The following KCNK16 variants were observed in gnomAD, a reference collection of about 807,000 sequenced individuals.
KCNK16 encodes potassium two pore domain channel subfamily K member 16, also known as potassium channel subfamily K member 16.
Under a neutral mutation model 23.0 loss-of-function variants are expected in KCNK16, and 23 were observed. The ratio of observed to expected loss-of-function variants is 1.00; its 90% CI spans 0.72 to 1.41. The LOEUF is 1.41. KCNK16 is among the 40% of genes most tolerant of loss of function. The pLI is 0.00. For missense variants in KCNK16, 327 were observed against 365.8 expected, an observed-to-expected ratio of 0.89 and a Z score of 0.87; for synonymous variants, 145 against 153.5, an observed-to-expected ratio of 0.94 and a Z score of 0.41.
At chr6:39,321,636 A>G (rs967511684) in intron 1 of KCNK16, among the ~76,000 whole-genome samples, 5 of 151,894 alleles carry the variant, frequency 3.3e-5, no homozygotes, top group Admixed American at 6.6e-5. Context: ...AGATGCATTC[A>G]CCTCCCTCCA....
chr6:39,320,312 C>A (rs147919411), intron 1 of KCNK16, among the ~76,000 whole-genome samples: 1 of 152,204 alleles, frequency 6.6e-6, no homozygotes, highest in African/African-American at 2.4e-5. Context: ...CCCAACATTC[C>A]CGAACATGCT....
At chr6:39,317,699 C>A (rs781495002) in intron 3 of KCNK16, 87 bp downstream of exon 3, 15 of 1,409,018 alleles carry the variant, frequency 1.1e-5, no homozygotes, top group Non-Finnish European at 1.4e-5. Context: ...CCATGCATGC[C>A]AAACTCCATC....
At position 39,317,938 on chromosome 6, in the gene KCNK16, C is replaced by T. The variant is rs780647196; in HGVS notation, c.343G>A (p.Ala115Thr). Residue 115 changes from alanine to threonine, a missense_variant, in exon 3 of 5, where the codon GCA becomes ACA. Physicochemically the swap from Ala to Thr is moderately conservative, Grantham distance 58. Transcript: ENST00000437525. Reference protein sequence around the residue: ...VVTTIGYGNLAPSTEAGQVFC... With the variant: ...VVTTIGYGNLTPSTEAGQVFC... ...ACCTGACCTGCCTCTGTGCTGGGTG[C>T]CAGGTTCCCATATCCTGCAAGGGAA... 6.2e-7 allele frequency: 1 copy of T among 1,606,704 alleles called. No individual in the cohort carries two copies. The highest frequency in any genetic ancestry group is 1.3e-5 in the African/African-American group (1 of 74,778).
intron 2 of KCNK16, 58 bp from the exon 3 acceptor site, chr6:39,318,010 C>T (rs1198119204): frequency 1.3e-6 from 2 of 1,483,466 alleles, no homozygotes; most frequent in South Asian, 2.8e-5. Flanking sequence ...CTCTGCTCCT[C>T]TTCCCCAGAC....
At chr6:39,320,475 G>A (rs1762474620) in intron 1 of KCNK16, among the ~76,000 whole-genome samples, 4 of 152,170 alleles carry the variant, frequency 2.6e-5, no homozygotes, top group Admixed American at 1.3e-4. Flanking sequence ...TTGTGAACCT[G>A]GGCAAGCAGT....
At position 39,316,343 on chromosome 6, in the gene KCNK16, C is replaced by G. The variant is rs749071177; in HGVS notation, c.761G>C (p.Gly254Ala). The part of the protein sequence containing the change: ...LAWLALILPL[G>A]PLLLHRCCQL... ...GCAGCATCTGTGCAGAAGCAGGGGG[C>G]CCAGTGGGAGGATCAGCGCCAGCCA... The change falls in exon 5 of 5, where the codon GGC becomes GCC. Residue 254 changes from glycine (G) to alanine (A), a missense_variant. Coordinates refer to ENST00000437525, the MANE Select transcript of KCNK16 (RefSeq NM_001135106.2). 6.2e-7 allele frequency: 1 copy of G among 1,611,922 alleles called. No individual in the cohort carries two copies. Among genetic ancestry groups the G allele is most frequent in the Admixed American group, 1.7e-5 (1 of 59,744 alleles).
chr6:39,315,450 G>A, downstream of KCNK16: 1 of 1,539,468 alleles, frequency 6.5e-7, no homozygotes, highest in Non-Finnish European at 8.8e-7. Flanking sequence ...GTCAGGGGAG[G>A]CCATGTTCAG....
chr6:39,320,323 C>T (rs141861492), intron 1 of KCNK16, among the ~76,000 whole-genome samples: 3 of 152,320 alleles, frequency 2.0e-5, no homozygotes, highest in East Asian at 1.9e-4. Flanking sequence ...CGAACATGCT[C>T]GTTCTCTGGA....
At position 39,316,460 on chromosome 6, in the gene KCNK16, G is replaced by A; in HGVS notation, c.662-18C>T. 1 of 1,585,540 alleles carries A rather than the reference G, an allele frequency of 6.3e-7. No homozygotes were observed. The highest frequency in any genetic ancestry group is 1.3e-5 in the African/African-American group (1 of 74,422). On this transcript the variant is annotated intron_variant, in intron 4 of 4. Coordinates refer to ENST00000437525, the MANE Select transcript of KCNK16 (RefSeq NM_001135106.2). Reference sequence around the variant, plus strand: ...GTCTGTGCCTGCCAGGGAAGGGAATGGCATCAATGCCAGGGGTCTCAGGGC... The same window carrying A: ...GTCTGTGCCTGCCAGGGAAGGGAATAGCATCAATGCCAGGGGTCTCAGGGC...
In KCNK16 at chr6:39,319,746, A is replaced by AGTGTGT. The variant is rs146841804; in HGVS notation, c.214-619_214-614dup. 0.14 allele frequency among the ~76,000 whole-genome samples: 20,389 copies of AGTGTGT among 148,248 alleles called. 1,585 individuals are homozygous for AGTGTGT. Among genetic ancestry groups the AGTGTGT allele is most frequent in the East Asian group, 0.3 (1,470 of 4,974 alleles). ...GGCCAAGACAAAGGTGGCACGTGTG[A>AGTGTGT]GTGTGTGTGTGTGTGTGTGTGTGTG... is the stretch of plus-strand genomic sequence containing the variant. On this transcript the variant is annotated intron_variant, in intron 1 of 4. Transcript: ENST00000437525. This position sits in a 1 kb window ranked among gnomAD's most constrained non-coding sequence, Gnocchi z 4.2.
chr6:39,315,343 C>T (rs775274420), downstream of KCNK16: 20 of 1,551,956 alleles, frequency 1.3e-5, 1 homozygote, highest in South Asian at 2.3e-4. Context: ...ATCCTGGGAT[C>T]TGCTGGCTCT....
chr6:39,316,913 G>C lies in KCNK16; in HGVS notation c.530C>G (p.Thr177Ser), dbSNP rs773605907. The change falls in exon 4 of 5, where the codon ACC becomes AGC. Residue 177 changes from threonine to serine, a missense_variant. Thr to Ser is a moderately conservative substitution (Grantham distance 58). Coordinates refer to ENST00000437525, the MANE Select transcript of KCNK16 (RefSeq NM_001135106.2). ...GATGAGAATGACCAGCGTCCCCAGG[G>C]TCAGGAACAGAGCCAGGCCCAGGAC... is the stretch of plus-strand genomic sequence containing the variant. ...LQVLGLALFLTLGTLVILIFP... is the reference protein window; with the variant it reads ...LQVLGLALFLSLGTLVILIFP... 5 of 1,613,376 alleles carry C rather than the reference G, an allele frequency of 3.1e-6. No individual in the cohort carries two copies. Among genetic ancestry groups the C allele is most frequent in the Non-Finnish European group, 4.2e-6 (5 of 1,179,870 alleles).
At chr6:39,318,040 T>C in intron 2 of KCNK16, 88 bp from the exon 3 acceptor site, 1 of 1,329,924 alleles carries the variant, frequency 7.5e-7, no homozygotes, top group Non-Finnish European at 1.0e-6. Context: ...GGTTTGTCTG[T>C]CACCACCTCT....
In KCNK16 at chr6:39,319,079, G is replaced by A. The variant is rs1762424529; in HGVS notation, c.268C>T (p.Pro90Ser). Residue 90 changes from proline (P) to serine (S), a missense_variant, in exon 2 of 5, where the codon CCC becomes TCC. Physicochemically the swap from Pro to Ser is moderately conservative, Grantham distance 74. Transcript: ENST00000437525. The surrounding 1 kb of genome is among the most constrained non-coding windows in gnomAD (Gnocchi z 4.2). Reference protein sequence around the residue: ...GVNPKGNSTNPSNWDFGSSFF... With the variant: ...GVNPKGNSTNSSNWDFGSSFF... ...CTGCTGCCAAAGTCCCAGTTGCTGG[G>A]GTTGGTAGAGTTGCCTTTGGGGTTC... 6.2e-7 allele frequency: 1 copy of A among 1,613,980 alleles called. No individual in the cohort carries two copies. Among genetic ancestry groups the A allele is most frequent in the Admixed American group, 1.7e-5 (1 of 59,998 alleles).
chr6:39,322,518 C>G lies in KCNK16; in HGVS notation c.23G>C (p.Ser8Thr). ...GGGCAGCACCCGGCCACCCCAGCAGCTGCAGAGCCCAGCACTGGGCATGCT... is the reference window on the plus strand; with the variant it reads ...GGGCAGCACCCGGCCACCCCAGCAGGTGCAGAGCCCAGCACTGGGCATGCT... MPSAGLCSCWGGRVLPLL... is the reference protein window; with the variant it reads MPSAGLCTCWGGRVLPLL... The change falls in exon 1 of 5, where the codon AGC becomes ACC. Residue 8 changes from serine (S) to threonine (T), a missense_variant. Physicochemically the swap from Ser to Thr is moderately conservative, Grantham distance 58. Coordinates refer to ENST00000437525, the MANE Select transcript of KCNK16 (RefSeq NM_001135106.2). 1 of 1,606,682 alleles carries G rather than the reference C, an allele frequency of 6.2e-7. No homozygotes were observed. The highest frequency in any genetic ancestry group is 8.5e-7 in the Non-Finnish European group (1 of 1,178,016).
downstream of KCNK16, chr6:39,315,270 C>T: frequency 1.9e-6 from 3 of 1,589,942 alleles, no homozygotes; most frequent in African/African-American, 1.3e-5. Context: ...AGGGGAAAGG[C>T]CAGACCTGGA....
downstream of KCNK16, chr6:39,315,018 T>G: frequency 6.2e-7 from 1 of 1,605,840 alleles, no homozygotes; most frequent in Non-Finnish European, 8.5e-7. Flanking sequence ...TCCCAGTCCT[T>G]TCTTGGATAT....
Position 39,322,622 on chromosome 6 carries a change from G to T in KCNK16, c.-82C>A. The T allele has an allele frequency of 6.7e-7, 1 of 1,486,956 alleles. No homozygotes were observed. Among genetic ancestry groups the T allele is most frequent in the Middle Eastern group, 2.4e-4 (1 of 4,168 alleles). 92.1% of individuals were successfully genotyped at this position (1,486,956 alleles called of 1,614,324 possible). On this transcript the variant is annotated 5_prime_UTR_variant, in exon 1 of 5. Transcript: ENST00000437525. ...ACAGGTGAGGAGTAAGCACCTAGGG[G>T]CCTGTGCCCAGGCTGCCGCCTGCCC...
Position 39,316,772 on chromosome 6 carries a change from T to G in KCNK16, c.661+10A>C. 1 of 1,612,532 alleles carries G rather than the reference T, an allele frequency of 6.2e-7. No homozygotes were observed. The highest frequency in any genetic ancestry group is 1.3e-5 in the African/African-American group (1 of 74,984). On this transcript the variant is annotated intron_variant, in intron 4 of 4. Coordinates refer to ENST00000437525, the MANE Select transcript of KCNK16 (RefSeq NM_001135106.2). Reference sequence around the variant, plus strand: ...CCCACCCTGAGATAATGTGACTGTTTTGTTCTCACCAACAACATAGTCCCC... The same window carrying G: ...CCCACCCTGAGATAATGTGACTGTTGTGTTCTCACCAACAACATAGTCCCC...
Sources: allele counts gnomAD v4.1 joint callset (sites outside exome capture counted in the v4.1 genomes callset), GRCh38; gene constraint gnomAD v4.1.1; non-coding constraint Gnocchi (gnomAD v3.1); transcripts MANE v1.5; gene names NCBI Gene and HGNC (gene_info 2026-07-23, HGNC 2026-07-21).